The following DCDC2 variants were observed in gnomAD, a reference collection of about 807,000 sequenced individuals.
DCDC2 encodes doublecortin domain-containing protein 2.
In DCDC2, 40 loss-of-function variants were observed where a neutral mutation model predicts 50.2. The observed-to-expected ratio is 0.80, with a 90% confidence interval of 0.62 to 1.04. The LOEUF is 1.04. Among genes scored for constraint, DCDC2 ranks in the 50% least tolerant of loss-of-function variants. The probability of loss-of-function intolerance (pLI) is 0.00; values close to 1 mark genes in which losing one functional copy is unlikely to be tolerated. For synonymous variants in DCDC2, 234 were observed against 210.6 expected, an observed-to-expected ratio of 1.11 and a Z score of -0.96; for missense variants, 570 against 581.9, an observed-to-expected ratio of 0.98 and a Z score of 0.21.
rs1761237948 is a variant in DCDC2 at position 24,187,880 on chromosome 6, A to G, written c.1024-9248T>C. On this transcript the variant is annotated intron_variant, in intron 8 of 9. Transcript: ENST00000378454. Reference sequence around the variant, plus strand: ...ACTAACCTCACAACAATTATTTAAGAAAAACACGATGATGATCCTAATTTG... The same window carrying G: ...ACTAACCTCACAACAATTATTTAAGGAAAACACGATGATGATCCTAATTTG... 2.0e-5 allele frequency among the ~76,000 whole-genome samples: 3 copies of G among 152,338 alleles called. No homozygotes were observed. In the South Asian group the frequency reaches 6.2e-4, roughly 32 times the overall value.
chr6:24,215,671 G>A (rs1292209354), intron 7 of DCDC2, among the ~76,000 whole-genome samples: 1 of 152,196 alleles, frequency 6.6e-6, no homozygotes, highest in African/African-American at 2.4e-5. Context: ...GAGGCTGGTA[G>A]CCAGGAGATT....
intron 7 of DCDC2, among the ~76,000 whole-genome samples, chr6:24,255,623 C>T (rs1215183701): frequency 2.0e-5 from 3 of 152,058 alleles, no homozygotes; most frequent in Admixed American, 2.0e-4. Context: ...GAAAAATGGA[C>T]ATGAGACTTG....
rs1561904272 is a variant in DCDC2 at position 24,244,299 on chromosome 6, G to C, written c.922+33750C>G. Among the ~76,000 whole-genome samples, 3 of 152,306 alleles carry C rather than the reference G, an allele frequency of 2.0e-5. No individual in the cohort carries two copies. The East Asian group carries it at 5.8e-4, about 29-fold the overall frequency. On this transcript the variant is annotated intron_variant, in intron 7 of 9. Transcript: ENST00000378454. ...GAAAATAGGACTATAAAACGATATG[G>C]AACCAAGAAGCCTAATCAAAAGATT...
chr6:24,342,421 G>A (rs1255393652), intron 2 of DCDC2, among the ~76,000 whole-genome samples: 1 of 152,216 alleles, frequency 6.6e-6, no homozygotes, highest in African/African-American at 2.4e-5. Flanking sequence ...AATACGGACT[G>A]CTGCCAGTCA....
intron 2 of DCDC2, among the ~76,000 whole-genome samples, chr6:24,318,685 C>T (rs1700720142): frequency 6.6e-6 from 1 of 152,004 alleles, no homozygotes; most frequent in Non-Finnish European, 1.5e-5. Context: ...AGTAGTTACG[C>T]TTAAGATAAT....
At chr6:24,213,774 T>C (rs1761924734) in intron 7 of DCDC2, among the ~76,000 whole-genome samples, 1 of 152,136 alleles carries the variant, frequency 6.6e-6, no homozygotes, top group South Asian at 2.1e-4. Context: ...TCACATGTAA[T>C]AACACTTCCT....
the DCDC2 span, among the ~76,000 whole-genome samples, chr6:24,379,272 A>T: frequency 6.6e-6 from 1 of 152,122 alleles, no homozygotes; most frequent in Admixed American, 6.6e-5. Flanking sequence ...ATGCGAGAAA[A>T]TTTTTGCAAT....
intron 7 of DCDC2, among the ~76,000 whole-genome samples, chr6:24,272,137 G>A (rs900755289): frequency 3.3e-5 from 5 of 151,892 alleles, no homozygotes; most frequent in Admixed American, 6.5e-5. Context: ...TGAGCCATAC[G>A]TCTTACTAGT....
intron 7 of DCDC2, among the ~76,000 whole-genome samples, chr6:24,235,679 C>A (rs778729074): frequency 6.6e-6 from 1 of 152,110 alleles, no homozygotes; most frequent in East Asian, 1.9e-4. Context: ...TATGACAAAC[C>A]CACAAGCCAA....
chr6:24,359,004 TTA>T (rs1760570108), upstream of DCDC2, among the ~76,000 whole-genome samples: 1 of 24,348 alleles, frequency 4.1e-5, no homozygotes, highest in Non-Finnish European at 6.8e-5. Flanking sequence ...ATTATATATT[TTA>T]TATATTATAT....
chr6:24,357,411 C>T, intron 1 of DCDC2, 47 bp downstream of exon 1: 1 of 1,535,436 alleles, frequency 6.5e-7, no homozygotes, highest in Non-Finnish European at 8.8e-7. Context: ...ATCAACCCCA[C>T]ACTATAGGGC....
At chr6:24,366,616 C>G in the DCDC2 span, among the ~76,000 whole-genome samples, 2 of 152,132 alleles carry the variant, frequency 1.3e-5, no homozygotes, top group African/African-American at 4.8e-5. Flanking sequence ...TGTGGACATG[C>G]AGGAAGAAGG....
In DCDC2 at chr6:24,351,133, A is replaced by G. The variant is rs187112366; in HGVS notation, c.348+2436T>C. Among the ~76,000 whole-genome samples, 47 of 152,366 alleles carry G rather than the reference A, an allele frequency of 3.1e-4. No homozygotes were observed. The East Asian group carries it at 7.3e-3, about 24-fold the overall frequency. On this transcript the variant is annotated intron_variant, in intron 2 of 9. Transcript: ENST00000378454. The stretch of plus-strand genomic sequence containing the variant: ...AATTCAGAGTCAAAGTGATATTTCC[A>G]GAAGAAAAATGCTTTCATAGTTCCC...
At chr6:24,288,830 G>A (rs547612167) in intron 6 of DCDC2, 22 bp downstream of exon 6, 12 of 1,598,170 alleles carry the variant, frequency 7.5e-6, no homozygotes, top group East Asian at 6.7e-5. Flanking sequence ...GAACATCAAC[G>A]AGGAAAGCAT....
chr6:24,327,486 T>TTATTTATC (rs2113856027), intron 2 of DCDC2, among the ~76,000 whole-genome samples: 1 of 148,672 alleles, frequency 6.7e-6, no homozygotes, highest in Non-Finnish European at 1.5e-5. Flanking sequence ...ATTTATTTAT[T>TTATTTATC]GGCTGATACG....
chr6:24,203,085 T>C (rs541073300), intron 8 of DCDC2, among the ~76,000 whole-genome samples: 11 of 152,294 alleles, frequency 7.2e-5, no homozygotes, highest in African/African-American at 1.7e-4. Context: ...GATTCAATGC[T>C]ATCCCCATCA....
chr6:24,286,261 G>A (rs181311698), intron 6 of DCDC2, among the ~76,000 whole-genome samples: 4 of 152,052 alleles, frequency 2.6e-5, no homozygotes, highest in Non-Finnish European at 5.9e-5. Flanking sequence ...GTGATGCTAC[G>A]TCTGCTGTTC....
intron 7 of DCDC2, among the ~76,000 whole-genome samples, chr6:24,214,103 T>G (rs1363586060): frequency 6.6e-6 from 1 of 152,222 alleles, no homozygotes; most frequent in East Asian, 1.9e-4. Flanking sequence ...AAAAATAATT[T>G]TATCCGCACA....
At chr6:24,303,129 T>A (rs1759412560) in intron 2 of DCDC2, among the ~76,000 whole-genome samples, 1 of 151,954 alleles carries the variant, frequency 6.6e-6, no homozygotes, top group Non-Finnish European at 1.5e-5. Context: ...ACCTGGTGCC[T>A]TTAATTTTCC....
Sources: allele counts gnomAD v4.1 joint callset (sites outside exome capture counted in the v4.1 genomes callset), GRCh38; gene constraint gnomAD v4.1.1; transcripts MANE v1.5; gene names NCBI Gene and HGNC (gene_info 2026-07-23, HGNC 2026-07-21).